CA10: variants seen among roughly 807,000 people sequenced by gnomAD.
CA10 encodes carbonic anhydrase-related protein 10.
A neutral mutation model predicts 44.2 loss-of-function variants in CA10; 14 were observed. The observed-to-expected ratio is 0.32, with a 90% CI of 0.21 to 0.50. The LOEUF (loss-of-function observed/expected upper bound fraction) is 0.50. Among genes scored for constraint, CA10 ranks in the 20% least tolerant of loss-of-function variants. CA10 has a pLI of 0.99. For synonymous variants in CA10, 159 were observed against 141.6 expected (o/e 1.12, Z -0.87); for missense variants, 350 against 409.7 (o/e 0.85, Z 1.26).
At chr17:51,669,446 G>A (rs1297426637) in intron 4 of CA10, among the ~76,000 whole-genome samples, 1 of 152,126 alleles carries the variant, frequency 6.6e-6, no homozygotes, top group Admixed American at 6.5e-5. Flanking sequence ...GGGAATAGAA[G>A]CAGGCCGCCC....
chr17:51,855,955 C>T (rs1979020050), intron 3 of CA10, among the ~76,000 whole-genome samples: 1 of 152,060 alleles, frequency 6.6e-6, no homozygotes, highest in Admixed American at 6.6e-5. Flanking sequence ...GGCTGATTCA[C>T]CTTTGGACTC....
intron 2 of CA10, among the ~76,000 whole-genome samples, chr17:52,062,271 G>A (rs1165413578): frequency 2.0e-5 from 3 of 151,894 alleles, no homozygotes; most frequent in Non-Finnish European, 4.4e-5. Context: ...GTAAGATATG[G>A]CAGCAAAGGA....
chr17:51,852,274 C>A (rs1284504256), intron 3 of CA10, among the ~76,000 whole-genome samples: 3 of 152,178 alleles, frequency 2.0e-5, no homozygotes, highest in Non-Finnish European at 4.4e-5. Flanking sequence ...TTCAGCTGCA[C>A]CGAGTCAGAG....
chr17:51,816,321 T>G lies in CA10; in HGVS notation c.280-68503A>C, dbSNP rs190843926. 2.2e-3 allele frequency among the ~76,000 whole-genome samples: 337 copies of G among 152,362 alleles called. 4 individuals are homozygous for G. Among genetic ancestry groups the G allele is most frequent in the African/African-American group, 7.7e-3 (319 of 41,588 alleles). ...TTTTCTTTATCCAGTCATCTGCTGA[T>G]GGACACTTAGGTTGCTCCAAATCTT... On this transcript the variant is annotated intron_variant, in intron 3 of 8. Coordinates refer to ENST00000451037, the MANE Select transcript of CA10 (RefSeq NM_020178.5).
At chr17:51,790,582 G>T (rs1381421428) in intron 3 of CA10, among the ~76,000 whole-genome samples, 1 of 152,166 alleles carries the variant, frequency 6.6e-6, no homozygotes. Flanking sequence ...GCCTGCAAAT[G>T]CAAGCAGCTG....
chr17:52,098,068 GC>G (rs1417328530), intron 1 of CA10, among the ~76,000 whole-genome samples: 4 of 152,136 alleles, frequency 2.6e-5, no homozygotes, highest in Non-Finnish European at 5.9e-5. Context: ...GCTGCAGCTG[GC>G]CTGTTTTGAT....
intron 3 of CA10, among the ~76,000 whole-genome samples, chr17:51,883,764 T>C (rs541595183): frequency 1.9e-4 from 29 of 152,284 alleles, no homozygotes; most frequent in Non-Finnish European, 4.0e-4. Flanking sequence ...TAACATGATT[T>C]CATTAGCCAT....
intron 6 of CA10, among the ~76,000 whole-genome samples, chr17:51,643,581 C>T (rs558405486): frequency 6.6e-6 from 1 of 152,104 alleles, no homozygotes; most frequent in Non-Finnish European, 1.5e-5. Flanking sequence ...TCTAAGCTTG[C>T]AAGGAAAGTA....
chr17:52,098,812 A>G (rs1477080665), intron 1 of CA10, among the ~76,000 whole-genome samples: 1 of 152,154 alleles, frequency 6.6e-6, no homozygotes, highest in East Asian at 1.9e-4. Flanking sequence ...GCCCATTGCT[A>G]TATTAAAGAA....
chr17:52,036,256 T>A lies in CA10; in HGVS notation c.136+36063A>T, dbSNP rs34853013. Reference sequence around the variant, plus strand: ...TTGTTAAGTGAGATCAGACAGCAAGTAAAAGAATTTAGGCTTCATTCGAAA... The same window carrying A: ...TTGTTAAGTGAGATCAGACAGCAAGAAAAAGAATTTAGGCTTCATTCGAAA... On this transcript the variant is annotated intron_variant, in intron 2 of 8. Coordinates refer to ENST00000451037, the MANE Select transcript of CA10 (RefSeq NM_020178.5). 2.4e-3 allele frequency among the ~76,000 whole-genome samples: 373 copies of A among 152,312 alleles called. 1 individual carries two copies. The highest frequency in any genetic ancestry group is 3.6e-3 in the Non-Finnish European group (243 of 68,018).
chr17:51,856,887 T>C (rs1567863067), intron 3 of CA10, among the ~76,000 whole-genome samples: 1 of 152,174 alleles, frequency 6.6e-6, no homozygotes, highest in Non-Finnish European at 1.5e-5. Flanking sequence ...GAATTGGTAT[T>C]CTAAATGACT....
intron 3 of CA10, among the ~76,000 whole-genome samples, chr17:51,910,568 T>G (rs1981750921): frequency 6.6e-6 from 1 of 152,098 alleles, no homozygotes; most frequent in Non-Finnish European, 1.5e-5. Flanking sequence ...GGATCTAGAG[T>G]AATTCACCAG....
chr17:51,907,060 T>C (rs940444438), intron 3 of CA10, among the ~76,000 whole-genome samples: 1 of 152,186 alleles, frequency 6.6e-6, no homozygotes, highest in Non-Finnish European at 1.5e-5. Context: ...AGCTTTCTAG[T>C]GGTTCCCTGT....
chr17:52,025,377 G>A (rs770734920), intron 2 of CA10, among the ~76,000 whole-genome samples: 3 of 151,992 alleles, frequency 2.0e-5, no homozygotes, highest in Admixed American at 6.6e-5. Context: ...GCTTGAAGAA[G>A]GACTTCACAC....
intron 3 of CA10, among the ~76,000 whole-genome samples, chr17:51,915,806 T>A (rs1981971798): frequency 6.6e-6 from 1 of 151,898 alleles, no homozygotes; most frequent in Admixed American, 6.6e-5. Context: ...TATGGCTCAC[T>A]CCAGTATCTG....
At chr17:51,854,880 G>A (rs968281711) in intron 3 of CA10, among the ~76,000 whole-genome samples, 3 of 152,118 alleles carry the variant, frequency 2.0e-5, no homozygotes, top group South Asian at 2.1e-4. Context: ...AGCTCAGCTC[G>A]CTTAAACCTC....
At chr17:52,088,720 T>C (rs1057458952) in intron 1 of CA10, among the ~76,000 whole-genome samples, 3 of 152,202 alleles carry the variant, frequency 2.0e-5, no homozygotes, top group African/African-American at 7.2e-5. Context: ...TTTTCTCAAA[T>C]TTCTGAGAAT....
At chr17:51,934,169 G>A (rs1335693016) in intron 2 of CA10, among the ~76,000 whole-genome samples, 1 of 152,084 alleles carries the variant, frequency 6.6e-6, no homozygotes, top group Non-Finnish European at 1.5e-5. Context: ...TTTTAAATCA[G>A]CTATGAATTA....
chr17:51,859,011 A>AT (rs1203513126), intron 3 of CA10, among the ~76,000 whole-genome samples: 1 of 152,108 alleles, frequency 6.6e-6, no homozygotes, highest in Non-Finnish European at 1.5e-5. Context: ...ATTAAATGAG[A>AT]TATACAAAGC....
Sources: allele counts gnomAD v4.1 joint callset (sites outside exome capture counted in the v4.1 genomes callset), GRCh38; gene constraint gnomAD v4.1.1; transcripts MANE v1.5; gene names NCBI Gene and HGNC (gene_info 2026-07-23, HGNC 2026-07-21).